ODAD2: variants seen among roughly 807,000 people sequenced by gnomAD.
ODAD2 encodes the protein outer dynein arm docking complex subunit 2, also known as outer dynein arm-docking complex subunit 2.
In ODAD2, 89 loss-of-function variants were observed where a neutral mutation model predicts 106.8. The observed-to-expected ratio is 0.83, with a 90% CI of 0.70 to 0.99. The LOEUF is 0.99. Ranked by LOEUF, ODAD2 falls within the 50% of genes least tolerant of loss-of-function variation. The pLI is 0.00. For synonymous variants in ODAD2, 404 were observed against 436.2 expected (o/e 0.93, Z 0.92); for missense variants, 1,168 against 1,238.5 (o/e 0.94, Z 0.85).
intron 19 of ODAD2, among the ~76,000 whole-genome samples, chr10:27,838,752 T>G (rs1158818285): frequency 6.6e-6 from 1 of 151,200 alleles, no homozygotes; most frequent in Admixed American, 6.6e-5. Flanking sequence ...GCATATACTT[T>G]ATTTTACCAT....
intron 17 of ODAD2, among the ~76,000 whole-genome samples, chr10:27,897,417 T>C (rs1842930299): frequency 6.6e-6 from 1 of 152,220 alleles, no homozygotes; most frequent in Non-Finnish European, 1.5e-5. Flanking sequence ...GTAAAAATTC[T>C]ATCATGTTCC....
At chr10:27,928,599 C>T (rs575864710) in intron 16 of ODAD2, among the ~76,000 whole-genome samples, 34 of 152,050 alleles carry the variant, frequency 2.2e-4, no homozygotes, top group South Asian at 6.2e-4. Context: ...GAGTTTAATG[C>T]GAATTATTTG....
chr10:27,834,209 A>T (rs537651721), intron 19 of ODAD2, among the ~76,000 whole-genome samples: 1 of 152,322 alleles, frequency 6.6e-6, no homozygotes, highest in South Asian at 2.1e-4. Context: ...TAGTGATTGA[A>T]ATAATCTAGG....
chr10:27,904,222 C>T (rs1244999638), intron 17 of ODAD2: 1 of 388,844 alleles, frequency 2.6e-6, no homozygotes, highest in African/African-American at 2.1e-5. Context: ...GTGCACATTC[C>T]TAAAGCCTTC....
At chr10:27,924,848 T>C (rs1396402516) in intron 16 of ODAD2, among the ~76,000 whole-genome samples, 1 of 151,434 alleles carries the variant, frequency 6.6e-6, no homozygotes, top group Admixed American at 6.6e-5. Flanking sequence ...TAGACCACTT[T>C]ACATAGAAGA....
rs1399843893 is a variant in ODAD2, at chr10:27,961,657, C to G, written c.1297G>C (p.Asp433His). Residue 433 changes from aspartate (D) to histidine (H), a missense_variant, in exon 10 of 20, where the codon GAT (aspartate) becomes CAT (histidine). By Grantham distance (81) the Asp-to-His change is moderately conservative (BLOSUM62 -1). Coordinates refer to ENST00000305242, the MANE Select transcript of ODAD2 (RefSeq NM_018076.5). Reference sequence around the variant, plus strand: ...TGACGATGGTCAGGTGGTTCTTCATCTTCCTCACTTTCTGAGGAGCTATCG... The same window carrying G: ...TGACGATGGTCAGGTGGTTCTTCATGTTCCTCACTTTCTGAGGAGCTATCG... The part of the protein sequence containing the change: ...VSDSSSESEE[D>H]EEPPDHRQEA... The G allele has an allele frequency of 6.2e-7, 1 of 1,608,190 alleles. No homozygotes were observed. The highest frequency in any genetic ancestry group is 1.3e-5 in the African/African-American group (1 of 74,770).
intron 14 of ODAD2, among the ~76,000 whole-genome samples, chr10:27,939,088 A>G (rs983258): frequency 0.061 from 9,310 of 152,208 alleles, 374 homozygotes; most frequent in East Asian, 0.18. Context: ...ATCATACACA[A>G]AAAGTTAGTG....
At chr10:27,981,213 C>T (rs1432502633) in intron 7 of ODAD2, among the ~76,000 whole-genome samples, 2 of 151,778 alleles carry the variant, frequency 1.3e-5, no homozygotes, top group Non-Finnish European at 2.9e-5. Flanking sequence ...AGTTCAAGTT[C>T]GAGAGACGAA....
At chr10:27,843,875 T>C (rs1838501474) in intron 19 of ODAD2, among the ~76,000 whole-genome samples, 1 of 152,058 alleles carries the variant, frequency 6.6e-6, no homozygotes, top group African/African-American at 2.4e-5. Flanking sequence ...AAGAATCTGG[T>C]TTAAACTTGA....
intron 19 of ODAD2, among the ~76,000 whole-genome samples, chr10:27,817,660 C>T (rs1194387985): frequency 6.6e-6 from 1 of 152,130 alleles, no homozygotes; most frequent in Middle Eastern, 3.2e-3. Flanking sequence ...CTGCAAAAGA[C>T]ATGATTCATT....
chr10:27,908,562 A>T (rs1348098833), intron 16 of ODAD2, among the ~76,000 whole-genome samples: 1 of 152,216 alleles, frequency 6.6e-6, no homozygotes, highest in East Asian at 1.9e-4. Flanking sequence ...TCGGAAAGGT[A>T]TATTAAACTC....
intron 2 of ODAD2, among the ~76,000 whole-genome samples, chr10:27,992,557 G>A (rs1564585255): frequency 6.6e-6 from 1 of 152,104 alleles, no homozygotes; most frequent in Non-Finnish European, 1.5e-5. Context: ...AGGCATAGTA[G>A]TATGTGCCTA....
At chr10:27,950,645 G>C (rs573212238) in intron 10 of ODAD2, among the ~76,000 whole-genome samples, 2 of 151,956 alleles carry the variant, frequency 1.3e-5, no homozygotes, top group African/African-American at 2.4e-5. Context: ...GGAGTGCAAC[G>C]GTGTGATCTC....
intron 19 of ODAD2, among the ~76,000 whole-genome samples, chr10:27,857,271 C>T (rs946112663): frequency 5.9e-5 from 9 of 152,192 alleles, no homozygotes; most frequent in African/African-American, 2.2e-4. Flanking sequence ...TTATGATTCT[C>T]ATAACACTTT....
At chr10:27,961,803 G>A in intron 9 of ODAD2, 88 bp from the exon 10 acceptor site, 12 of 1,137,148 alleles carry the variant, frequency 1.1e-5, no homozygotes, top group East Asian at 2.5e-5. Context: ...AGTGGCTCAT[G>A]CCTATAATCT....
chr10:27,951,677 T>C (rs768909502), intron 10 of ODAD2, among the ~76,000 whole-genome samples: 6 of 151,960 alleles, frequency 3.9e-5, no homozygotes, highest in Non-Finnish European at 7.4e-5. Flanking sequence ...ATTATTTTTG[T>C]CCATTTAGAA....
intron 7 of ODAD2, among the ~76,000 whole-genome samples, chr10:27,972,845 A>C (rs1848946010): frequency 6.6e-6 from 1 of 152,154 alleles, no homozygotes; most frequent in South Asian, 2.1e-4. Context: ...CAATAAAATG[A>C]GCAGAAAAAA....
intron 10 of ODAD2, among the ~76,000 whole-genome samples, chr10:27,945,257 A>G (rs1846815713): frequency 6.6e-6 from 1 of 152,254 alleles, no homozygotes. Context: ...TGAGGAATGC[A>G]AGATGTACAC....
At chr10:27,862,103 A>G (rs1486309553) in intron 18 of ODAD2, among the ~76,000 whole-genome samples, 1 of 152,212 alleles carries the variant, frequency 6.6e-6, no homozygotes, top group Non-Finnish European at 1.5e-5. Flanking sequence ...ATGAAGAACC[A>G]TCGAGAATCA....
Sources: gnomAD v4.1 joint callset for allele counts (sites outside exome capture counted in the v4.1 genomes callset) on GRCh38, gnomAD v4.1.1 for gene constraint, MANE v1.5 for transcripts, NCBI Gene and HGNC (gene_info 2026-07-23, HGNC 2026-07-21) for gene names.